PNPO: variants seen among roughly 807,000 people sequenced by gnomAD.
PNPO encodes pyridoxine-5'-phosphate oxidase.
In PNPO, 39 loss-of-function variants were observed where a neutral mutation model predicts 35.0. The ratio of observed to expected loss-of-function variants is 1.11; its 90% CI spans 0.86 to 1.45. The LOEUF (loss-of-function observed/expected upper bound fraction) is 1.45. PNPO is among the 40% of genes most tolerant of loss of function. The pLI, the probability that PNPO is intolerant of heterozygous loss-of-function variation, is 0.00. For synonymous variants in PNPO, 115 were observed against 119.8 expected, an observed-to-expected ratio of 0.96 and a Z score of 0.26; for missense variants, 288 against 340.0, an observed-to-expected ratio of 0.85 and a Z score of 1.20.
In PNPO at chr17:47,946,668, C is replaced by T; in HGVS notation, c.672C>T (p.Asn224=). ...QVMEFWQGQT[N]RLHDRIVFRR... ...TGGAGTTCTGGCAAGGTCAAACCAA[C>T]CGCCTGCATGACCGGATAGTCTTTC... Residue 224 remains asparagine, a synonymous_variant, in exon 7 of 7, where the codon AAC becomes AAT. Coordinates refer to ENST00000642017, the MANE Select transcript of PNPO (RefSeq NM_018129.4). 4 of 1,614,214 alleles carry T rather than the reference C, an allele frequency of 2.5e-6. No homozygotes were observed. Among genetic ancestry groups the T allele is most frequent in the Non-Finnish European group, 3.4e-6 (4 of 1,180,010 alleles).
chr17:47,941,797 A>G lies in PNPO; in HGVS notation c.122A>G (p.Tyr41Cys). ...GACCTGGGACCCATGCGCAAGAGTTACCGCGGGGACCGAGAGGTGCCGCCG... is the reference window on the plus strand; with the variant it reads ...GACCTGGGACCCATGCGCAAGAGTTGCCGCGGGGACCGAGAGGTGCCGCCG... ...AMDLGPMRKS[Y>C]RGDREAFEET... The change falls in exon 1 of 7, where the codon TAC becomes TGC. Residue 41 changes from tyrosine (Y) to cysteine (C), a missense_variant. Tyr to Cys is a radical substitution (Grantham distance 194). Coordinates refer to ENST00000642017, the MANE Select transcript of PNPO (RefSeq NM_018129.4). The G allele has an allele frequency of 2.6e-6, 4 of 1,567,530 alleles. 1 individual carries two copies. The highest frequency in any genetic ancestry group is 1.2e-5 in the South Asian group (1 of 85,456).
rs77084317 is a variant in PNPO at position 47,942,996 on chromosome 17, G to A, written c.139-310G>A. 0.025 allele frequency among the ~76,000 whole-genome samples: 3,821 copies of A among 152,242 alleles called. 150 individuals carry two copies. Among genetic ancestry groups the A allele is most frequent in the African/African-American group, 0.087 (3,618 of 41,514 alleles). On this transcript the variant is annotated intron_variant, in intron 1 of 6. Transcript: ENST00000642017. Reference sequence around the variant, plus strand: ...CAGACCTGCTGAATGAGAAATTTTGGGGGTGGAGCCCAGAAAGTTTTTTTT... The same window carrying A: ...CAGACCTGCTGAATGAGAAATTTTGAGGGTGGAGCCCAGAAAGTTTTTTTT...
At position 47,945,485 on chromosome 17, in the gene PNPO, T is replaced by A. The variant is rs1423261042; in HGVS notation, c.364-74T>A. 1.6e-5 allele frequency: 19 copies of A among 1,185,420 alleles called. No homozygotes were observed. The highest frequency in any genetic ancestry group is 1.9e-5 in the Non-Finnish European group (15 of 789,274). The allele number at this position is 1,185,420 out of a possible 1,614,324, so 73.4% of individuals were successfully genotyped here. ...GTGGGCCTGCGCACTACAGCTCTCC[T>A]GCCTTTTCCCTGCATGCCGGAGGCC... On this transcript the variant is annotated intron_variant, in intron 3 of 6. Coordinates refer to ENST00000642017, the MANE Select transcript of PNPO (RefSeq NM_018129.4). This position sits in a 1 kb window ranked among gnomAD's most constrained non-coding sequence, Gnocchi z 4.0.
At chr17:47,946,476 T>C in intron 6 of PNPO, 83 bp downstream of exon 6, 1 of 1,390,480 alleles carries the variant, frequency 7.2e-7, no homozygotes. Flanking sequence ...GAATCACAGA[T>C]CTCCTCCTCC....
At chr17:47,943,537 C>T (rs1480014555) in intron 2 of PNPO, 107 bp downstream of exon 2, 2 of 1,385,626 alleles carry the variant, frequency 1.4e-6, no homozygotes, top group Admixed American at 1.8e-5. Context: ...CTGTTATTAA[C>T]ATGCTCTGTG....
At chr17:47,946,136 G>T in intron 5 of PNPO, 147 bp downstream of exon 5, 1 of 1,176,538 alleles carries the variant, frequency 8.5e-7, no homozygotes, top group Non-Finnish European at 1.2e-6. Flanking sequence ...AGTGAGAAGG[G>T]AAAGTGGGGG....
In PNPO at chr17:47,945,292, T is replaced by G; in HGVS notation, c.364-267T>G. The G allele has an allele frequency of 4.1e-6, 2 of 492,864 alleles. No individual in the cohort carries two copies. Among genetic ancestry groups the G allele is most frequent in the South Asian group, 4.1e-5 (2 of 49,046 alleles). The allele number at this position is 492,864 out of a possible 1,614,324, so 30.5% of individuals were successfully genotyped here. Reference sequence around the variant, plus strand: ...ATGCATTTCTCAAGACTCACAAATCTGTGGGTGAGAGAAATCACCCAGTCT... The same window carrying G: ...ATGCATTTCTCAAGACTCACAAATCGGTGGGTGAGAGAAATCACCCAGTCT... On this transcript the variant is annotated intron_variant, in intron 3 of 6. Transcript: ENST00000642017. This position sits in a 1 kb window ranked among gnomAD's most constrained non-coding sequence, Gnocchi z 4.0.
chr17:47,947,413 GTCTC>G lies in PNPO; in HGVS notation c.*641_*644del, dbSNP rs976498880. The G allele has an allele frequency of 7.7e-6, 1 of 129,764 alleles. No homozygotes were observed. The highest frequency in any genetic ancestry group is 1.6e-5 in the Non-Finnish European group (1 of 61,942). The allele number at this position is 129,764 out of a possible 1,614,324, so 8.0% of individuals were successfully genotyped here. Reference sequence around the variant, plus strand: ...TAAAACACCCCACTATCTCTGTAAAGTCTCTCTCTCTCTTTTTTTTTTTTTTACT... The same window carrying G: ...TAAAACACCCCACTATCTCTGTAAAGTCTCTCTCTTTTTTTTTTTTTTACT... On this transcript the variant is annotated 3_prime_UTR_variant, in exon 7 of 7. Transcript: ENST00000642017.
In PNPO at chr17:47,941,718, C is replaced by T. The variant is rs761011220; in HGVS notation, c.43C>T (p.Pro15Ser). The change falls in exon 1 of 7, where the codon CCT becomes TCT. Residue 15 changes from proline to serine, a missense_variant. Transcript: ENST00000642017. Reference sequence around the variant, plus strand: ...GGGCGTCACGGCGACGTTCGGGCGACCTGCCGAGTGGCCAGGCTACCTCAG... The same window carrying T: ...GGGCGTCACGGCGACGTTCGGGCGATCTGCCGAGTGGCCAGGCTACCTCAG... ...LRGVTATFGRPAEWPGYLSHL... is the reference protein window; with the variant it reads ...LRGVTATFGRSAEWPGYLSHL... 1 of 1,544,692 alleles carries T rather than the reference C, an allele frequency of 6.5e-7. No homozygotes were observed. The highest frequency in any genetic ancestry group is 1.2e-5 in the South Asian group (1 of 83,928).
In PNPO at chr17:47,949,212, C is replaced by T. The variant is rs2144170170; in HGVS notation, c.*2430C>T. 1 of 152,488 alleles carries T rather than the reference C, an allele frequency of 6.6e-6. No homozygotes were observed. The highest frequency in any genetic ancestry group is 3.4e-3 in the Middle Eastern group (1 of 294). 9.4% of individuals were successfully genotyped at this position (152,488 alleles called of 1,614,324 possible). A position where few individuals can be genotyped will look rare whatever the true frequency, so the allele number is the denominator to read the frequency against. On this transcript the variant is annotated 3_prime_UTR_variant, in exon 7 of 7. Coordinates refer to ENST00000642017, the MANE Select transcript of PNPO (RefSeq NM_018129.4). The stretch of plus-strand genomic sequence containing the variant: ...GTGTTATTGGAGGTTGTGTAACCCC[C>T]TAGCTTTGAGCCTGGTCTCAGATGT...
rs187525536 is a variant in PNPO at position 47,945,717 on chromosome 17, G to A, written c.417+105G>A. ...CCCAGACTGGGCAAACATCCCAGCT[G>A]GGCACTCTGCCTCTAAAATAGCCCT... On this transcript the variant is annotated intron_variant, in intron 4 of 6. Transcript: ENST00000642017. This position sits in a 1 kb window ranked among gnomAD's most constrained non-coding sequence, Gnocchi z 4.0. 6.3e-5 allele frequency: 91 copies of A among 1,439,684 alleles called. No individual in the cohort carries two copies. In the East Asian group the frequency reaches 1.7e-3, roughly 27 times the overall value. The allele number at this position is 1,439,684 out of a possible 1,614,324, so 89.2% of individuals were successfully genotyped here.
chr17:47,941,591 T>C lies in PNPO; in HGVS notation c.-85T>C. On this transcript the variant is annotated 5_prime_UTR_variant, in exon 1 of 7. Transcript: ENST00000642017. ...CTGGCAAATCCTTCCTTCCCCGGGG[T>C]AGAAGTCCAGGGTGAGAAATTGGTT... 2.8e-6 allele frequency: 4 copies of C among 1,425,984 alleles called. No homozygotes were observed. The highest frequency in any genetic ancestry group is 3.7e-6 in the Non-Finnish European group (4 of 1,080,428). The allele number at this position is 1,425,984 out of a possible 1,614,324, so 88.3% of individuals were successfully genotyped here.
chr17:47,946,849 C>T lies in PNPO; in HGVS notation c.*67C>T. ...TCAAGAGAGGGTGTGGGATTGGGACCCAGGCCCTTCTTTCTAAACTCAACC... is the reference window on the plus strand; with the variant it reads ...TCAAGAGAGGGTGTGGGATTGGGACTCAGGCCCTTCTTTCTAAACTCAACC... On this transcript the variant is annotated 3_prime_UTR_variant, in exon 7 of 7. Transcript: ENST00000642017. 1 of 1,475,200 alleles carries T rather than the reference C, an allele frequency of 6.8e-7. No individual in the cohort carries two copies. The highest frequency in any genetic ancestry group is 9.4e-7 in the Non-Finnish European group (1 of 1,060,172). The allele number at this position is 1,475,200 out of a possible 1,614,324, so 91.4% of individuals were successfully genotyped here.
At position 47,943,375 on chromosome 17, in the gene PNPO, G is replaced by T; in HGVS notation, c.208G>T (p.Val70Phe). The T allele has an allele frequency of 6.2e-7, 1 of 1,614,058 alleles. No homozygotes were observed. Among genetic ancestry groups the T allele is most frequent in the Non-Finnish European group, 8.5e-7 (1 of 1,179,892 alleles). Residue 70 changes from valine (V) to phenylalanine (F), a missense_variant, in exon 2 of 7, where the codon GTT (valine) becomes TTT (phenylalanine). Physicochemically the swap from Val to Phe is conservative, Grantham distance 50 (BLOSUM62 -1). Transcript: ENST00000642017. ...GTTTGCTGCCTGGTTTGAGGAGGCTGTTCAGTGTCCTGACATAGGGGAAGC... is the reference window on the plus strand; with the variant it reads ...GTTTGCTGCCTGGTTTGAGGAGGCTTTTCAGTGTCCTGACATAGGGGAAGC... ...KQFAAWFEEA[V>F]QCPDIGEANA...
Position 47,946,908 on chromosome 17 carries a change from T to C in PNPO, c.*126T>C. 1 of 823,306 alleles carries C rather than the reference T, an allele frequency of 1.2e-6. No homozygotes were observed. The highest frequency in any genetic ancestry group is 2.6e-5 in the East Asian group (1 of 38,204). 51.0% of individuals were successfully genotyped at this position (823,306 alleles called of 1,614,324 possible). On this transcript the variant is annotated 3_prime_UTR_variant, in exon 7 of 7. Coordinates refer to ENST00000642017, the MANE Select transcript of PNPO (RefSeq NM_018129.4). ...TCCCTACCCCTTATCTTCAGGACTC[T>C]TCAGAGCTAATCCTCTAAGTTCTCT...
intron 2 of PNPO, among the ~76,000 whole-genome samples, chr17:47,944,200 CGT>C (rs3047638): frequency 0.17 from 24,010 of 141,926 alleles, 2,381 homozygotes; most frequent in East Asian, 0.49. Flanking sequence ...CACTGCCTTT[CGT>C]GTGTGTGTGT....
In PNPO at chr17:47,947,398, C is replaced by T. The variant is rs1349141871; in HGVS notation, c.*616C>T. ...TTCCTCCCCCTGCCTTAAAACACCCCACTATCTCTGTAAAGTCTCTCTCTC... is the reference window on the plus strand; with the variant it reads ...TTCCTCCCCCTGCCTTAAAACACCCTACTATCTCTGTAAAGTCTCTCTCTC... On this transcript the variant is annotated 3_prime_UTR_variant, in exon 7 of 7. Transcript: ENST00000642017. 6.6e-6 allele frequency: 1 copy of T among 150,948 alleles called. No individual in the cohort carries two copies. The highest frequency in any genetic ancestry group is 1.5e-5 in the Non-Finnish European group (1 of 68,194). The allele number at this position is 150,948 out of a possible 1,614,324, so 9.4% of individuals were successfully genotyped here.
chr17:47,941,748 C>T lies in PNPO; in HGVS notation c.73C>T (p.Leu25=), dbSNP rs755060399. ...PAEWPGYLSH[L]CGRSAAMDLG... Reference sequence around the variant, plus strand: ...CGAGTGGCCAGGCTACCTCAGTCACCTGTGTGGTCGCAGTGCTGCCATGGA... The same window carrying T: ...CGAGTGGCCAGGCTACCTCAGTCACTTGTGTGGTCGCAGTGCTGCCATGGA... The change falls in exon 1 of 7, where the codon CTG becomes TTG. Residue 25 remains leucine, a synonymous_variant. Coordinates refer to ENST00000642017, the MANE Select transcript of PNPO (RefSeq NM_018129.4). 2.1e-5 allele frequency: 33 copies of T among 1,558,512 alleles called. No individual in the cohort carries two copies. Among genetic ancestry groups the T allele is most frequent in the Non-Finnish European group, 2.9e-5 (33 of 1,151,090 alleles).
Position 47,945,002 on chromosome 17 carries a change from A to C in PNPO, c.363+287A>C. The C allele has an allele frequency of 4.0e-6, 2 of 500,020 alleles. No homozygotes were observed. Among genetic ancestry groups the C allele is most frequent in the Non-Finnish European group, 7.3e-6 (2 of 273,772 alleles). 31.0% of individuals were successfully genotyped at this position (500,020 alleles called of 1,614,324 possible). ...GACTCTCACTCAGACTCAGCCCCTC[A>C]TGCTGTTTGCTGCCATTATAACTTG... On this transcript the variant is annotated intron_variant, in intron 3 of 6. Coordinates refer to ENST00000642017, the MANE Select transcript of PNPO (RefSeq NM_018129.4). This position sits in a 1 kb window ranked among gnomAD's most constrained non-coding sequence, Gnocchi z 4.0.
Sources: allele counts gnomAD v4.1 joint callset (sites outside exome capture counted in the v4.1 genomes callset), GRCh38; gene constraint gnomAD v4.1.1; non-coding constraint Gnocchi (gnomAD v3.1); transcripts MANE v1.5; gene names NCBI Gene and HGNC (gene_info 2026-07-23, HGNC 2026-07-21).